The following SYNE2 variants were observed in gnomAD, a reference collection of about 807,000 sequenced individuals.
SYNE2 encodes the protein spectrin repeat containing nuclear envelope protein 2, also known as nesprin-2.
SYNE2 carries 431 observed loss-of-function variants against 856.3 expected under a neutral mutation model. The observed-to-expected ratio is 0.50, with a 90% CI of 0.47 to 0.55. The LOEUF (loss-of-function observed/expected upper bound fraction) is 0.55. Among genes scored for constraint, SYNE2 ranks in the 20% least tolerant of loss-of-function variants. The probability of loss-of-function intolerance (pLI) is 0.00; values close to 1 mark genes in which losing one functional copy is unlikely to be tolerated. For synonymous variants in SYNE2, 2,923 were observed against 2,872.3 expected, an observed-to-expected ratio of 1.02 and a Z score of -0.56; for missense variants, 8,129 against 8,023.2, an observed-to-expected ratio of 1.01 and a Z score of -0.50.
intron 65 of SYNE2, among the ~76,000 whole-genome samples, chr14:64,111,593 G>C (rs1319118950): frequency 6.6e-6 from 1 of 152,108 alleles, no homozygotes; most frequent in African/African-American, 2.4e-5. Flanking sequence ...GAGGCCAGGA[G>C]TTCAAGACCA....
chr14:64,122,412 G>C lies in SYNE2; in HGVS notation c.13407G>C (p.Gln4469His), dbSNP rs771593810. ...LSSKIKLPLP[Q>H]LVEPQVSTNM... is the part of the protein sequence containing the mutation. Reference sequence around the variant, plus strand: ...CAAAAATAAAGCTCCCACTCCCTCAGCTTGTGGAGCCTCAGGTCAGTCTGT... The same window carrying C: ...CAAAAATAAAGCTCCCACTCCCTCACCTTGTGGAGCCTCAGGTCAGTCTGT... Residue 4469 changes from glutamine (Q) to histidine (H), a missense_variant, in exon 70 of 116, where the codon CAG (glutamine) becomes CAC (histidine). Gln to His is a conservative substitution (Grantham distance 24). Transcript: ENST00000555002. 3.1e-6 allele frequency: 5 copies of C among 1,614,056 alleles called. No homozygotes were observed. In the African/African-American group the frequency reaches 6.7e-5, roughly 22 times the overall value.
intron 54 of SYNE2, among the ~76,000 whole-genome samples, chr14:64,078,070 T>C (rs946717247): frequency 3.3e-5 from 5 of 152,204 alleles, no homozygotes; most frequent in African/African-American, 1.2e-4. Flanking sequence ...AGATAGATTC[T>C]CATAAAATGG....
chr14:63,988,794 C>G (rs537347834), intron 19 of SYNE2, among the ~76,000 whole-genome samples: 99 of 152,270 alleles, frequency 6.5e-4, no homozygotes, highest in African/African-American at 2.3e-3. Context: ...GGAAACTCCC[C>G]TTTATATAAT....
intron 93 of SYNE2, 85 bp from the exon 94 acceptor site, chr14:64,170,143 C>A: frequency 7.7e-7 from 1 of 1,294,484 alleles, no homozygotes; most frequent in Non-Finnish European, 1.1e-6. Flanking sequence ...CTTATAAAAA[C>A]TGAATCTGAG....
chr14:64,225,198 TGTTGGCCC>T, intron 115 of SYNE2, 113 bp from the exon 116 acceptor site: 1 of 1,567,374 alleles, frequency 6.4e-7, no homozygotes, highest in East Asian at 2.3e-5. Context: ...GAACCCCAAC[TGTTGGCCC>T]TATTTAAATC....
At chr14:63,807,493 G>T (rs923203992) in intron 1 of SYNE2, among the ~76,000 whole-genome samples, 1 of 152,020 alleles carries the variant, frequency 6.6e-6, no homozygotes, top group Non-Finnish European at 1.5e-5. Context: ...ATCTTGTGTG[G>T]TCAAAGCTGT....
chr14:63,973,407 G>A (rs372567448), intron 11 of SYNE2, among the ~76,000 whole-genome samples: 16 of 151,818 alleles, frequency 1.1e-4, no homozygotes, highest in African/African-American at 3.9e-4. Flanking sequence ...CGAGGCGGGC[G>A]GATCACCTGA....
chr14:63,827,608 A>G (rs1184663293), intron 1 of SYNE2, among the ~76,000 whole-genome samples: 5 of 120,702 alleles, frequency 4.1e-5, no homozygotes, highest in African/African-American at 1.4e-4. Context: ...CTGGGCAACA[A>G]GATTGAAACT....
chr14:63,799,918 T>C (rs922487533), intron 1 of SYNE2, among the ~76,000 whole-genome samples: 1 of 152,218 alleles, frequency 6.6e-6, no homozygotes, highest in African/African-American at 2.4e-5. Flanking sequence ...AGACTGATCT[T>C]ATCCTCAGAT....
chr14:63,883,750 C>G (rs2094918875), intron 1 of SYNE2, among the ~76,000 whole-genome samples: 1 of 152,072 alleles, frequency 6.6e-6, no homozygotes, highest in Admixed American at 6.6e-5. Context: ...CTCTACAGGG[C>G]TATTTTGAAT....
chr14:63,923,314 C>T (rs1213351327), intron 2 of SYNE2, among the ~76,000 whole-genome samples: 4 of 152,190 alleles, frequency 2.6e-5, no homozygotes, highest in African/African-American at 9.7e-5. Context: ...ATAAGACTGT[C>T]AGGTGTTTAC....
intron 99 of SYNE2, chr14:64,202,089 G>T: frequency 1.5e-6 from 1 of 671,184 alleles, no homozygotes; most frequent in South Asian, 1.6e-5. Context: ...TCTGCTCCAC[G>T]CCGAGTTGGG....
chr14:63,767,588 C>T (rs538180282), intron 1 of SYNE2, among the ~76,000 whole-genome samples: 1 of 152,242 alleles, frequency 6.6e-6, no homozygotes, highest in South Asian at 2.1e-4. Flanking sequence ...CTGATTCCTA[C>T]ATGGCAGTCA....
At chr14:63,930,841 C>T (rs1427057028) in intron 2 of SYNE2, among the ~76,000 whole-genome samples, 1 of 152,130 alleles carries the variant, frequency 6.6e-6, no homozygotes, top group African/African-American at 2.4e-5. Context: ...ATATAATAAA[C>T]AAGCAAACAT....
At chr14:64,134,323 C>G (rs1307202648) in intron 78 of SYNE2, 123 bp downstream of exon 78, 7 of 1,030,612 alleles carry the variant, frequency 6.8e-6, no homozygotes, top group Non-Finnish European at 9.1e-6. Context: ...TCATACAACT[C>G]ACTGTTGAAT....
At chr14:63,802,587 A>G (rs952833300) in intron 1 of SYNE2, among the ~76,000 whole-genome samples, 6 of 152,196 alleles carry the variant, frequency 3.9e-5, no homozygotes. Flanking sequence ...AGGGGCCAGG[A>G]GTGGAATGAT....
At chr14:63,951,630 C>T (rs58063463) in intron 7 of SYNE2, among the ~76,000 whole-genome samples, 1,525 of 152,204 alleles carry the variant, frequency 0.01, 28 homozygotes, top group African/African-American at 0.034. Flanking sequence ...AATTGTCATT[C>T]GTTCTCTATA....
intron 2 of SYNE2, among the ~76,000 whole-genome samples, chr14:63,921,092 G>C (rs774952143): frequency 1.1e-4 from 17 of 151,996 alleles, no homozygotes; most frequent in Non-Finnish European, 2.2e-4. Flanking sequence ...ACCAGCCTGG[G>C]GGACAGAGCG....
Position 64,081,364 on chromosome 14 carries a change from C to G in SYNE2, c.11347-79C>G, listed in dbSNP as rs2097522552. On this transcript the variant is annotated intron_variant, in intron 56 of 115. Coordinates refer to ENST00000555002, the MANE Select transcript of SYNE2 (RefSeq NM_182914.3). The stretch of plus-strand genomic sequence containing the variant: ...GGCCTGACACACCCCTGACTAACAG[C>G]TATTGACTCTTCATCTAGGAGTCAT... The G allele has an allele frequency of 1.9e-6, 3 of 1,571,728 alleles. No individual in the cohort carries two copies. In the Admixed American group the frequency reaches 5.0e-5, roughly 26 times the overall value.
Sources: allele counts gnomAD v4.1 joint callset (sites outside exome capture counted in the v4.1 genomes callset), GRCh38; gene constraint gnomAD v4.1.1; transcripts MANE v1.5; gene names NCBI Gene and HGNC (gene_info 2026-07-23, HGNC 2026-07-21).